CACNG3: variants seen among roughly 807,000 people sequenced by gnomAD.
CACNG3 encodes calcium voltage-gated channel auxiliary subunit gamma 3.
Under a neutral mutation model 28.5 loss-of-function variants are expected in CACNG3, and 3 were observed. That is an observed-to-expected ratio of 0.11 (90% CI 0.05 to 0.27). The LOEUF (loss-of-function observed/expected upper bound fraction) is 0.27. CACNG3 is among the 10% of genes least tolerant of loss of function. The pLI, the probability that CACNG3 is intolerant of heterozygous loss-of-function variation, is 1.00. For synonymous variants in CACNG3, 174 were observed against 162.2 expected (o/e 1.07, Z -0.55); for missense variants, 236 against 414.4 (o/e 0.57, Z 3.74).
chr16:24,326,399 G>A (rs1483854965), intron 1 of CACNG3, among the ~76,000 whole-genome samples: 2 of 152,158 alleles, frequency 1.3e-5, no homozygotes, highest in Non-Finnish European at 2.9e-5. Context: ...TCGAATTCCC[G>A]ACCTCAGGTG....
At chr16:24,273,273 T>C (rs989016333) in intron 1 of CACNG3, among the ~76,000 whole-genome samples, 3 of 152,204 alleles carry the variant, frequency 2.0e-5, no homozygotes, top group Admixed American at 6.5e-5. Flanking sequence ...CTACATAATA[T>C]GTTCATCCCT....
chr16:24,261,550 T>C (rs1256827323), intron 1 of CACNG3, among the ~76,000 whole-genome samples: 2 of 152,264 alleles, frequency 1.3e-5, no homozygotes, highest in Non-Finnish European at 2.9e-5. Flanking sequence ...CTGCCAGTTT[T>C]CAGCCTTGTA....
At chr16:24,352,193 C>T (rs1899957914) in intron 2 of CACNG3, among the ~76,000 whole-genome samples, 1 of 152,046 alleles carries the variant, frequency 6.6e-6, no homozygotes, top group Non-Finnish European at 1.5e-5. Context: ...CAAATGAAAA[C>T]GGCCGGAGCT....
chr16:24,260,820 C>G (rs1249649691), intron 1 of CACNG3, among the ~76,000 whole-genome samples: 1 of 152,170 alleles, frequency 6.6e-6, no homozygotes, highest in African/African-American at 2.4e-5. Context: ...CAAGAACGCC[C>G]AACTCATTAA....
intron 1 of CACNG3, among the ~76,000 whole-genome samples, chr16:24,298,954 A>C (rs1337706411): frequency 6.6e-6 from 1 of 152,222 alleles, no homozygotes; most frequent in African/African-American, 2.4e-5. Flanking sequence ...CAAATCAAGG[A>C]CATGCTATCA....
intron 1 of CACNG3, among the ~76,000 whole-genome samples, chr16:24,344,910 G>A (rs953682698): frequency 4.6e-5 from 7 of 152,134 alleles, no homozygotes; most frequent in Non-Finnish European, 1.0e-4. Flanking sequence ...TTTGAAACCT[G>A]GATCCAAAAA....
intron 1 of CACNG3, among the ~76,000 whole-genome samples, chr16:24,295,007 C>T (rs1278546480): frequency 1.3e-5 from 2 of 152,184 alleles, no homozygotes; most frequent in Non-Finnish European, 2.9e-5. Flanking sequence ...GGTAACTGCC[C>T]TCACATGCAT....
At chr16:24,315,598 C>A (rs1361609037) in intron 1 of CACNG3, among the ~76,000 whole-genome samples, 3 of 135,176 alleles carry the variant, frequency 2.2e-5, no homozygotes, top group Non-Finnish European at 4.8e-5. Flanking sequence ...TTATCTCTTT[C>A]TTTGTCTCTC....
chr16:24,302,199 G>A (rs1899122405), intron 1 of CACNG3, among the ~76,000 whole-genome samples: 1 of 152,164 alleles, frequency 6.6e-6, no homozygotes, highest in African/African-American at 2.4e-5. Context: ...GTTCCACAAT[G>A]TAGCCTGAGT....
chr16:24,279,917 T>C (rs577041245), intron 1 of CACNG3, among the ~76,000 whole-genome samples: 1 of 152,168 alleles, frequency 6.6e-6, no homozygotes, highest in East Asian at 1.9e-4. Context: ...CAAGTGGAGG[T>C]GTTAAAAGGG....
intron 1 of CACNG3, among the ~76,000 whole-genome samples, chr16:24,271,994 G>A (rs1339165908): frequency 1.3e-5 from 2 of 152,076 alleles, no homozygotes; most frequent in East Asian, 3.8e-4. Context: ...TGAGCTCAGA[G>A]ATACTTGTTT....
At chr16:24,306,296 G>A (rs149468624) in intron 1 of CACNG3, among the ~76,000 whole-genome samples, 59 of 152,296 alleles carry the variant, frequency 3.9e-4, no homozygotes, top group Middle Eastern at 3.4e-3. Flanking sequence ...CGGGCTTTTC[G>A]TCTTTTGCCT....
intron 1 of CACNG3, among the ~76,000 whole-genome samples, chr16:24,283,650 C>T (rs531582394): frequency 6.6e-6 from 1 of 152,256 alleles, no homozygotes; most frequent in South Asian, 2.1e-4. Context: ...ATTTTTGCCT[C>T]CACTTTTTTT....
At chr16:24,322,393 T>C (rs566169972) in intron 1 of CACNG3, among the ~76,000 whole-genome samples, 18 of 152,320 alleles carry the variant, frequency 1.2e-4, no homozygotes, top group African/African-American at 3.6e-4. Context: ...AGAAGCTGGA[T>C]GCTTCACAGC....
intron 1 of CACNG3, among the ~76,000 whole-genome samples, chr16:24,276,808 A>G (rs1898759137): frequency 6.6e-6 from 1 of 152,124 alleles, no homozygotes; most frequent in South Asian, 2.1e-4. Flanking sequence ...CTTAGCCACC[A>G]CTCCACAAAA....
rs897748745 is a variant in CACNG3 at position 24,271,819 on chromosome 16, T to C, written c.211+14854T>C. Among the ~76,000 whole-genome samples the C allele has an allele frequency of 3.6e-4, 55 of 151,554 alleles. 1 individual carries two copies. Among genetic ancestry groups the C allele is most frequent in the East Asian group, 1.9e-4 (1 of 5,138 alleles). On this transcript the variant is annotated intron_variant, in intron 1 of 3. Transcript: ENST00000005284. ...GAGAGTATCGGTCCTAGAACAGTCATGGCAGGGGTGTCACAGAAGTGTTCT... is the reference window on the plus strand; with the variant it reads ...GAGAGTATCGGTCCTAGAACAGTCACGGCAGGGGTGTCACAGAAGTGTTCT...
At chr16:24,334,421 G>A (rs572094283) in intron 1 of CACNG3, among the ~76,000 whole-genome samples, 3 of 152,330 alleles carry the variant, frequency 2.0e-5, no homozygotes, top group East Asian at 3.9e-4. Context: ...GCTCTGAAGT[G>A]ATGTCTCTCT....
intron 1 of CACNG3, among the ~76,000 whole-genome samples, chr16:24,301,816 A>G (rs976529354): frequency 6.6e-6 from 1 of 152,192 alleles, no homozygotes; most frequent in Admixed American, 6.5e-5. Context: ...GCAACAAAAG[A>G]GTGGAGACAT....
chr16:24,312,667 A>C (rs1899279653), intron 1 of CACNG3, among the ~76,000 whole-genome samples: 1 of 151,706 alleles, frequency 6.6e-6, no homozygotes, highest in African/African-American at 2.4e-5. Context: ...TTTTTTTTTT[A>C]ATTAGCCAGA....
Sources: allele counts gnomAD v4.1 joint callset (sites outside exome capture counted in the v4.1 genomes callset), GRCh38; gene constraint gnomAD v4.1.1; transcripts MANE v1.5; gene names NCBI Gene and HGNC (gene_info 2026-07-23, HGNC 2026-07-21).